Variants in SHISAL1 observed in about 807,000 individuals in gnomAD.
SHISAL1 encodes protein shisa-like-1.
Under a neutral mutation model 22.6 loss-of-function variants are expected in SHISAL1, and 9 were observed. The ratio of observed to expected loss-of-function variants is 0.40; its 90% CI spans 0.24 to 0.70. The LOEUF (loss-of-function observed/expected upper bound fraction) is 0.70, where lower values mean the gene tolerates loss of function less well. Ranked by LOEUF, SHISAL1 falls within the 30% of genes least tolerant of loss-of-function variation. The pLI, the probability that SHISAL1 is intolerant of heterozygous loss-of-function variation, is 0.39. For missense variants in SHISAL1, 246 were observed against 270.6 expected (o/e 0.91, Z 0.64); for synonymous variants, 119 against 115.4 (o/e 1.03, Z -0.20).
the SHISAL1 span, among the ~76,000 whole-genome samples, chr22:44,319,555 A>C: frequency 2.0e-5 from 3 of 152,328 alleles, no homozygotes; most frequent in East Asian, 5.8e-4. Flanking sequence ...CCCATTTCCC[A>C]CCAGTGCCAG....
chr22:44,314,460 A>G (rs2055544585), upstream of SHISAL1, among the ~76,000 whole-genome samples: 1 of 152,128 alleles, frequency 6.6e-6, no homozygotes, highest in East Asian at 1.9e-4. Context: ...TGGAACACCT[A>G]TGACATAGAA....
intron 4 of SHISAL1, among the ~76,000 whole-genome samples, chr22:44,260,061 G>A (rs998158530): frequency 2.0e-5 from 3 of 151,942 alleles, no homozygotes; most frequent in Admixed American, 6.6e-5. Context: ...CCACCACGGC[G>A]CCCTCCAGAC....
intron 4 of SHISAL1, among the ~76,000 whole-genome samples, chr22:44,279,392 T>C (rs1001864539): frequency 6.6e-6 from 1 of 152,174 alleles, no homozygotes; most frequent in African/African-American, 2.4e-5. Context: ...GGAAAGAAGA[T>C]ATTTGGTCAT....
At chr22:44,302,166 C>G (rs12163075) in intron 1 of SHISAL1, among the ~76,000 whole-genome samples, 12 of 152,048 alleles carry the variant, frequency 7.9e-5, no homozygotes, top group Non-Finnish European at 1.8e-4. Flanking sequence ...CCTGGACAAA[C>G]GCTGTCTCTA....
At chr22:44,284,937 T>TCCTTCCTTCCTTCCTC in intron 4 of SHISAL1, among the ~76,000 whole-genome samples, 1 of 151,794 alleles carries the variant, frequency 6.6e-6, no homozygotes, top group African/African-American at 2.4e-5. Flanking sequence ...CTTCCTTCCT[T>TCCTTCCTTCCTTCCTC]CCTTCACAGC....
chr22:44,289,693 C>G (rs773963075), intron 3 of SHISAL1, among the ~76,000 whole-genome samples: 3 of 152,230 alleles, frequency 2.0e-5, no homozygotes, highest in South Asian at 4.1e-4. Context: ...GCCATGGGCA[C>G]TATGCTGAAA....
intron 4 of SHISAL1, among the ~76,000 whole-genome samples, chr22:44,255,615 T>C (rs1321830536): frequency 6.6e-6 from 1 of 152,242 alleles, no homozygotes; most frequent in Non-Finnish European, 1.5e-5. Flanking sequence ...CTTGCAGTGG[T>C]GTCTGCGCTG....
chr22:44,271,629 G>A (rs1305429953), intron 4 of SHISAL1, among the ~76,000 whole-genome samples: 2 of 152,184 alleles, frequency 1.3e-5, no homozygotes, highest in African/African-American at 4.8e-5. Flanking sequence ...AGAATCCATG[G>A]TCCTCCCTGA....
chr22:44,311,129 C>T (rs2147312104), intron 1 of SHISAL1, among the ~76,000 whole-genome samples: 1 of 152,068 alleles, frequency 6.6e-6, no homozygotes, highest in African/African-American at 2.4e-5. Context: ...AGCCTAGAAA[C>T]CCAACTCCAG....
At chr22:44,324,716 G>T in the SHISAL1 span, among the ~76,000 whole-genome samples, 1 of 152,226 alleles carries the variant, frequency 6.6e-6, no homozygotes, top group African/African-American at 2.4e-5. Flanking sequence ...TCCCAGCATA[G>T]CCTCGGGAAT....
chr22:44,280,025 G>T (rs2055265247), intron 4 of SHISAL1, among the ~76,000 whole-genome samples: 1 of 152,160 alleles, frequency 6.6e-6, no homozygotes, highest in South Asian at 2.1e-4. Flanking sequence ...AGGGCTTGGG[G>T]GCTGGGAGGG....
the SHISAL1 span, among the ~76,000 whole-genome samples, chr22:44,319,242 A>G: frequency 1.3e-5 from 2 of 152,202 alleles, no homozygotes; most frequent in Non-Finnish European, 2.9e-5. Context: ...ATCCCCTCCA[A>G]TGTTCCCAAA....
chr22:44,279,700 C>G (rs572461282), intron 4 of SHISAL1, among the ~76,000 whole-genome samples: 1 of 152,180 alleles, frequency 6.6e-6, no homozygotes, highest in Admixed American at 6.5e-5. Context: ...GACATCCCCC[C>G]GCCCCTGCTG....
chr22:44,276,913 A>G (rs2055243928), intron 4 of SHISAL1, among the ~76,000 whole-genome samples: 1 of 152,166 alleles, frequency 6.6e-6, no homozygotes, highest in Admixed American at 6.5e-5. Flanking sequence ...GCAAAGAGGA[A>G]CAAGAAGGGC....
At chr22:44,301,728 G>A (rs1459957388) in intron 1 of SHISAL1, among the ~76,000 whole-genome samples, 1 of 152,140 alleles carries the variant, frequency 6.6e-6, no homozygotes, top group Admixed American at 6.5e-5. Flanking sequence ...TCCCAAAACA[G>A]GAGGGAAACT....
the SHISAL1 span, among the ~76,000 whole-genome samples, chr22:44,324,457 T>C: frequency 6.6e-6 from 1 of 152,346 alleles, no homozygotes; most frequent in East Asian, 1.9e-4. Context: ...CCTGCCTGGC[T>C]GCTTCATGGA....
chr22:44,318,740 TCA>T, the SHISAL1 span, among the ~76,000 whole-genome samples: 1 of 152,246 alleles, frequency 6.6e-6, no homozygotes, highest in Non-Finnish European at 1.5e-5. Flanking sequence ...CGCGGCCTGC[TCA>T]GTGCTGTCAC....
intron 4 of SHISAL1, among the ~76,000 whole-genome samples, chr22:44,266,608 T>C (rs1237387378): frequency 2.0e-5 from 3 of 150,752 alleles, no homozygotes; most frequent in Non-Finnish European, 4.4e-5. Flanking sequence ...GGTGTGTGTG[T>C]TGGGGGGCCA....
rs2054978425 is a variant in SHISAL1, at chr22:44,244,137, T to G, written c.*5548A>C. 6.6e-6 allele frequency: 1 copy of G among 152,224 alleles called. No individual in the cohort carries two copies. The highest frequency in any genetic ancestry group is 2.1e-4 in the South Asian group (1 of 4,822). The allele number at this position is 152,224 out of a possible 1,614,324, so 9.4% of individuals were successfully genotyped here. ...TAGGAAGAAACTGCGTATGAGAAAC[T>G]GACATGCAATTCCAAGAAGAGGCTC... On this transcript the variant is annotated 3_prime_UTR_variant, in exon 5 of 5. Coordinates refer to ENST00000381176, the MANE Select transcript of SHISAL1 (RefSeq NM_001099294.2).
Sources: gnomAD v4.1 joint callset for allele counts (sites outside exome capture counted in the v4.1 genomes callset) on GRCh38, gnomAD v4.1.1 for gene constraint, MANE v1.5 for transcripts, NCBI Gene and HGNC (gene_info 2026-07-23, HGNC 2026-07-21) for gene names.